The following TMEM231 variants were observed in gnomAD, a reference collection of about 807,000 sequenced individuals.
TMEM231 encodes the protein transmembrane protein 231.
TMEM231 carries 40 observed loss-of-function variants against 38.5 expected under a neutral mutation model. That is an observed-to-expected ratio of 1.04 (90% CI 0.81 to 1.35). The LOEUF (loss-of-function observed/expected upper bound fraction) is 1.35, where lower values mean the gene tolerates loss of function less well. Ranked by LOEUF, TMEM231 falls within the 40% of genes most tolerant of loss-of-function variation. TMEM231 has a pLI of 0.00. For missense variants in TMEM231, 420 were observed against 416.9 expected (o/e 1.01, Z -0.07); for synonymous variants, 199 against 181.7 (o/e 1.10, Z -0.77).
Position 75,540,019 on chromosome 16 carries a change from T to A in TMEM231, c.926A>T (p.Asp309Val), listed in dbSNP as rs1020196870. The change falls in exon 7 of 7, where the codon GAC (aspartate) becomes GTC (valine). Residue 309 changes from aspartate to valine, a missense_variant. Physicochemically the swap from Asp to Val is radical, Grantham distance 152. Coordinates refer to ENST00000258173, the MANE Select transcript of TMEM231 (RefSeq NM_001077418.3). ...CTAGGATAAGTGCTCCTTACACAAG[T>A]CTCCCCGGGGCGTCACTGTCACAGG... is the stretch of plus-strand genomic sequence containing the variant. Reference protein sequence around the residue: ...TIPVTVTPRGDLCKEHLS With the variant: ...TIPVTVTPRGVLCKEHLS The A allele has an allele frequency of 7.4e-6, 12 of 1,612,718 alleles. No individual in the cohort carries two copies. The African/African-American group carries it at 8.0e-5, about 11-fold the overall frequency.
intron 2 of TMEM231, among the ~76,000 whole-genome samples, chr16:75,546,440 T>C (rs2080692497): frequency 6.7e-6 from 1 of 150,328 alleles, no homozygotes. Flanking sequence ...CACCAAGCTC[T>C]ATTTTTTTTT....
chr16:75,543,661 T>C (rs7199936), intron 4 of TMEM231, among the ~76,000 whole-genome samples: 50,100 of 152,114 alleles, frequency 0.33, 9,482 homozygotes, highest in African/African-American at 0.52. Flanking sequence ...TCTTGGTCTT[T>C]TCTGGGTGCT....
Position 75,537,103 on chromosome 16 carries a change from C to T in TMEM231, c.*2891G>A, listed in dbSNP as rs2080567476. 1.6e-5 allele frequency: 2 copies of T among 121,754 alleles called. 1 individual carries two copies. The highest frequency in any genetic ancestry group is 4.8e-4 in the East Asian group (2 of 4,124). The allele number at this position is 121,754 out of a possible 1,614,324, so 7.5% of individuals were successfully genotyped here. ...TGCTGCTGCACTCCAGCCTGGGTAA[C>T]AGAGTGAGACTCTGTCTCAAAAAAA... On this transcript the variant is annotated 3_prime_UTR_variant, in exon 7 of 7. Coordinates refer to ENST00000258173, the MANE Select transcript of TMEM231 (RefSeq NM_001077418.3).
chr16:75,555,466 A>C, intron 2 of TMEM231: 1 of 307,146 alleles, frequency 3.3e-6, no homozygotes. Context: ...CCAGGCTCCT[A>C]AATGGACTTT....
At chr16:75,550,310 C>G (rs1056117858) in intron 2 of TMEM231, among the ~76,000 whole-genome samples, 3 of 152,200 alleles carry the variant, frequency 2.0e-5, no homozygotes, top group African/African-American at 7.2e-5. Context: ...GCGTCCTGCT[C>G]CTTCCTGTTT....
intron 4 of TMEM231, among the ~76,000 whole-genome samples, chr16:75,543,713 G>A (rs541873595): frequency 2.0e-5 from 3 of 152,330 alleles, no homozygotes; most frequent in Non-Finnish European, 4.4e-5. Context: ...TAGATAAAAT[G>A]CAAACCATAA....
intron 4 of TMEM231, 50 bp from the exon 5 acceptor site, chr16:75,542,733 C>G (rs185068868): frequency 2.7e-5 from 42 of 1,559,652 alleles, no homozygotes; most frequent in Non-Finnish European, 3.3e-5. Flanking sequence ...GACTCCTCCC[C>G]TTTTCCTTCT....
chr16:75,554,545 C>CAAAAAAAAAAAAAAAAAAGAAAAAA (rs2080791308), intron 2 of TMEM231, among the ~76,000 whole-genome samples: 1 of 94,114 alleles, frequency 1.1e-5, no homozygotes, highest in African/African-American at 3.9e-5. Context: ...GACTGTGTCT[C>CAAAAAAAAAAAAAAAAAAGAAAAAA]AAAAAAAAAA....
At chr16:75,541,746 T>C in intron 5 of TMEM231, 1 of 207,566 alleles carries the variant, frequency 4.8e-6, no homozygotes, top group Non-Finnish European at 9.6e-6. Context: ...ATCACAGCTT[T>C]GTAGCTGTGT....
At position 75,540,082 on chromosome 16, in the gene TMEM231, T is replaced by C. The variant is rs1317243143; in HGVS notation, c.863A>G (p.Lys288Arg). ...LIFLWVFERI[K>R]IFVFQNQVVT... ...CACCTGATTCTGAAACACGAAGATC[T>C]TGATTCTTTCAAACACCCAGAGGAA... is the stretch of plus-strand genomic sequence containing the variant. Residue 288 changes from lysine (K) to arginine (R), a missense_variant, in exon 7 of 7, where the codon AAG becomes AGG. Physicochemically the swap from Lys to Arg is conservative, Grantham distance 26. Transcript: ENST00000258173. 1.2e-6 allele frequency: 2 copies of C among 1,613,806 alleles called. No individual in the cohort carries two copies. The highest frequency in any genetic ancestry group is 2.7e-5 in the African/African-American group (2 of 75,040).
intron 6 of TMEM231, 81 bp from the exon 7 acceptor site, chr16:75,540,255 G>A: frequency 7.1e-7 from 1 of 1,415,356 alleles, no homozygotes; most frequent in East Asian, 2.4e-5. Flanking sequence ...TGTGGCAGAG[G>A]TATCTCGAAA....
At chr16:75,546,494 G>A (rs2080693749) in intron 2 of TMEM231, among the ~76,000 whole-genome samples, 1 of 151,904 alleles carries the variant, frequency 6.6e-6, no homozygotes, top group African/African-American at 2.4e-5. Flanking sequence ...CCAGGCTGGA[G>A]TGCAGTGACG....
intron 4 of TMEM231, 94 bp from the exon 5 acceptor site, chr16:75,542,777 C>T (rs2080642432): frequency 9.5e-7 from 1 of 1,054,710 alleles, no homozygotes; most frequent in East Asian, 2.4e-5. Flanking sequence ...TCCCACAGAG[C>T]ACCCTCTTGT....
At chr16:75,544,033 G>A (rs902865101) in intron 4 of TMEM231, among the ~76,000 whole-genome samples, 6 of 152,212 alleles carry the variant, frequency 3.9e-5, no homozygotes, top group African/African-American at 1.4e-4. Context: ...CACACAGACA[G>A]GCTCTGTTAT....
chr16:75,546,201 C>CA (rs1442209065), intron 2 of TMEM231: 2 of 1,095,682 alleles, frequency 1.8e-6, no homozygotes, highest in Admixed American at 2.4e-5. Context: ...TGGGCAATAA[C>CA]AAAAAACATC....
chr16:75,551,538 C>T (rs1036332292), intron 2 of TMEM231, among the ~76,000 whole-genome samples: 1 of 152,176 alleles, frequency 6.6e-6, no homozygotes, highest in Non-Finnish European at 1.5e-5. Context: ...ATTTTATATA[C>T]CACTGATAAA....
intron 2 of TMEM231, among the ~76,000 whole-genome samples, chr16:75,552,179 C>T (rs970005400): frequency 1.3e-5 from 2 of 151,808 alleles, no homozygotes; most frequent in East Asian, 1.9e-4. Flanking sequence ...TTCAGCTGGG[C>T]ATGGTGGCTC....
rs186911860 is a variant in TMEM231, at chr16:75,554,021, C to A, written c.309+1783G>T. ...CACATACCCAATACCTTTCTCATTA[C>A]CCCCAATAGAGTTAAAATCTCTTTT... On this transcript the variant is annotated intron_variant, in intron 2 of 6. Transcript: ENST00000258173. 6.6e-5 allele frequency among the ~76,000 whole-genome samples: 10 copies of A among 152,240 alleles called. No homozygotes were observed. In the South Asian group the frequency reaches 2.1e-3, roughly 32 times the overall value.
chr16:75,538,686 G>C lies in TMEM231; in HGVS notation c.*1308C>G, dbSNP rs2080586493. 1 of 152,182 alleles carries C rather than the reference G, an allele frequency of 6.6e-6. No homozygotes were observed. Among genetic ancestry groups the C allele is most frequent in the South Asian group, 2.1e-4 (1 of 4,816 alleles). 9.4% of individuals were successfully genotyped at this position (152,182 alleles called of 1,614,324 possible). A position where few individuals can be genotyped will look rare whatever the true frequency, so the allele number is the denominator to read the frequency against. ...GGGTGTGTTTCTGGGTGGGCATGAA[G>C]CATGGATCACCGGGGCCATGTCCTT... On this transcript the variant is annotated 3_prime_UTR_variant, in exon 7 of 7. Transcript: ENST00000258173.
Sources: allele counts gnomAD v4.1 joint callset (sites outside exome capture counted in the v4.1 genomes callset), GRCh38; gene constraint gnomAD v4.1.1; transcripts MANE v1.5; gene names NCBI Gene and HGNC (gene_info 2026-07-23, HGNC 2026-07-21).